JAKMIP3: variants seen among roughly 807,000 people sequenced by gnomAD.
JAKMIP3 encodes the protein Janus kinase and microtubule interacting protein 3, also known as janus kinase and microtubule-interacting protein 3.
In JAKMIP3, 58 loss-of-function variants were observed where a neutral mutation model predicts 118.5. The observed-to-expected ratio is 0.49, with a 90% CI of 0.40 to 0.61. The LOEUF is 0.61. JAKMIP3 is among the 20% of genes least tolerant of loss of function. The pLI, the probability that JAKMIP3 is intolerant of heterozygous loss-of-function variation, is 0.00. For missense variants in JAKMIP3, 950 were observed against 1,109.0 expected (o/e 0.86, Z 2.04); for synonymous variants, 486 against 451.2 (o/e 1.08, Z -0.98).
At chr10:132,040,937 C>T (rs772787530) in intron 1 of JAKMIP3, among the ~76,000 whole-genome samples, 7 of 152,270 alleles carry the variant, frequency 4.6e-5, no homozygotes, top group African/African-American at 9.6e-5. Flanking sequence ...ATGCAGTACT[C>T]GATTTTCTGT....
intron 1 of JAKMIP3, among the ~76,000 whole-genome samples, 181 bp from the exon 2 acceptor site, chr10:132,104,491 A>C (rs1003925171): frequency 5.3e-5 from 8 of 152,144 alleles, no homozygotes; most frequent in African/African-American, 1.7e-4. Context: ...GGGGCACCAT[A>C]TGGCGGGCAG....
intron 1 of JAKMIP3, among the ~76,000 whole-genome samples, chr10:132,042,622 C>A (rs1010421499): frequency 4.6e-5 from 7 of 152,146 alleles, no homozygotes; most frequent in African/African-American, 1.7e-4. Context: ...GAACCAGGGA[C>A]TGCGTGGGGA....
intron 1 of JAKMIP3, among the ~76,000 whole-genome samples, chr10:132,072,126 A>G (rs1021578128): frequency 2.0e-5 from 3 of 151,770 alleles, no homozygotes; most frequent in Non-Finnish European, 2.9e-5. Flanking sequence ...TAATTTTTAT[A>G]CTTTTAGTTG....
intron 1 of JAKMIP3, among the ~76,000 whole-genome samples, chr10:132,042,400 G>A (rs1332930345): frequency 1.3e-5 from 2 of 152,054 alleles, no homozygotes; most frequent in Non-Finnish European, 2.9e-5. Flanking sequence ...TTGTAGAGAC[G>A]GGTCTCTCTC....
At chr10:132,160,140 T>C (rs1393345862) in intron 19 of JAKMIP3, among the ~76,000 whole-genome samples, 1 of 47,552 alleles carries the variant, frequency 2.1e-5, no homozygotes. Flanking sequence ...CTGGGGGGGG[T>C]CTCTTCCTGT....
rs2060498805 is a variant in JAKMIP3 at position 132,179,517 on chromosome 10, T to C, written c.*1104-2840T>C. On this transcript the variant is annotated intron_variant, in intron 23 of 23. Transcript: ENST00000684848. This position sits in a 1 kb window ranked among gnomAD's most constrained non-coding sequence, Gnocchi z 4.3. Reference sequence around the variant, plus strand: ...GGCACTGATACACTCACATAAACATTTGCCACGTGAATGGCCAAGTACGTA... The same window carrying C: ...GGCACTGATACACTCACATAAACATCTGCCACGTGAATGGCCAAGTACGTA... 6.6e-6 allele frequency among the ~76,000 whole-genome samples: 1 copy of C among 152,102 alleles called. No homozygotes were observed. The highest frequency in any genetic ancestry group is 2.1e-4 in the South Asian group (1 of 4,822).
intron 3 of JAKMIP3, among the ~76,000 whole-genome samples, chr10:132,126,072 C>T (rs914203258): frequency 6.6e-6 from 1 of 152,180 alleles, no homozygotes; most frequent in African/African-American, 2.4e-5. Context: ...ATCCCGAAGA[C>T]AGTTTAAGTC....
intron 22 of JAKMIP3, 102 bp downstream of exon 22, chr10:132,167,157 C>G (rs1227230429): frequency 1.2e-6 from 1 of 811,508 alleles, no homozygotes; most frequent in African/African-American, 1.7e-5. Context: ...GCCATTCGAT[C>G]AACTGGAAGG....
rs535783950 is a variant in JAKMIP3, at chr10:132,138,012, A to G, written c.1285-107A>G. 1.1e-5 allele frequency: 12 copies of G among 1,066,052 alleles called. No individual in the cohort carries two copies. The African/African-American group carries it at 1.3e-4, about 11-fold the overall frequency. The allele number at this position is 1,066,052 out of a possible 1,614,324, so 66.0% of individuals were successfully genotyped here. On this transcript the variant is annotated intron_variant, in intron 8 of 23. Coordinates refer to ENST00000684848, the MANE Select transcript of JAKMIP3 (RefSeq NM_001323087.2). Reference sequence around the variant, plus strand: ...GGTGTGGGGACAAGCCAGCCCAGACACCGTCTTCCCTGTCATCCAAATGAT... The same window carrying G: ...GGTGTGGGGACAAGCCAGCCCAGACGCCGTCTTCCCTGTCATCCAAATGAT...
chr10:132,089,570 C>T (rs1158450425), intron 1 of JAKMIP3, among the ~76,000 whole-genome samples: 1 of 152,174 alleles, frequency 6.6e-6, no homozygotes, highest in African/African-American at 2.4e-5. Flanking sequence ...TATCCTGAGA[C>T]TTTGCTGAAG....
At chr10:132,125,180 G>T (rs1432363609) in intron 3 of JAKMIP3, among the ~76,000 whole-genome samples, 2 of 152,216 alleles carry the variant, frequency 1.3e-5, no homozygotes, top group Non-Finnish European at 2.9e-5. Flanking sequence ...CCTCTGTGTC[G>T]CTCAGATGCC....
chr10:132,161,383 GCTGGGGGGGGTCTATTCCTGTGTCTTA>G, intron 19 of JAKMIP3, among the ~76,000 whole-genome samples: 2 of 23,088 alleles, frequency 8.7e-5, no homozygotes, highest in African/African-American at 4.8e-4. Flanking sequence ...CCTGTGTGAT[GCTGGGGGGGGTCTATTCCTGTGTCTTA>G]CTGGGGGGGG....
chr10:132,054,997 A>G (rs2038200993), intron 1 of JAKMIP3, among the ~76,000 whole-genome samples: 1 of 151,304 alleles, frequency 6.6e-6, no homozygotes, highest in African/African-American at 2.4e-5. Context: ...GGGGATAGTG[A>G]GAGTCCTGCC....
rs938980756 is a variant in JAKMIP3 at position 132,168,372 on chromosome 10, A to G, written c.*442A>G. 7.8e-7 allele frequency: 1 copy of G among 1,289,412 alleles called. No homozygotes were observed. Among genetic ancestry groups the G allele is most frequent in the African/African-American group, 1.5e-5 (1 of 65,842 alleles). The allele number at this position is 1,289,412 out of a possible 1,614,324, so 79.9% of individuals were successfully genotyped here. ...CTGGTGTCTGGAGGAAGATTTTCAG[A>G]AACAACAGAGGCTTGGCCTGATGAC... On this transcript the variant is annotated 3_prime_UTR_variant, in exon 23 of 24. Transcript: ENST00000684848.
At chr10:132,067,618 TGTGTACTGTGGGCTTCC>T (rs1332292370) in intron 1 of JAKMIP3, among the ~76,000 whole-genome samples, 7 of 37,196 alleles carry the variant, frequency 1.9e-4, no homozygotes, top group South Asian at 1.3e-3. Context: ...TGGGCTTCCG[TGTGTACTGTGGGCTTCC>T]GTGTGGACTC....
Position 132,140,741 on chromosome 10 carries a change from C to G in JAKMIP3, c.1473+162C>G, listed in dbSNP as rs567997100. ...ACGGGGAAGCCCTTCGCGGCCCTCA[C>G]TGGCACTGACCCGCTGATAGCTGAC... On this transcript the variant is annotated intron_variant, in intron 10 of 23. Coordinates refer to ENST00000684848, the MANE Select transcript of JAKMIP3 (RefSeq NM_001323087.2). 7.8e-4 allele frequency among the ~76,000 whole-genome samples: 119 copies of G among 152,276 alleles called. 2 individuals carry two copies. Among genetic ancestry groups the G allele is most frequent in the African/African-American group, 2.7e-3 (112 of 41,532 alleles).
rs550212327 is a variant in JAKMIP3 at position 132,154,621 on chromosome 10, G to A, written c.2220+631G>A. ...GGAAAGACAAGTGTCACCACCAAGAGGTTCACCTCGGGACCCAGCCCAGCA... is the reference window on the plus strand; with the variant it reads ...GGAAAGACAAGTGTCACCACCAAGAAGTTCACCTCGGGACCCAGCCCAGCA... On this transcript the variant is annotated intron_variant, in intron 19 of 23. Transcript: ENST00000684848. Among the ~76,000 whole-genome samples, 10 of 152,322 alleles carry A rather than the reference G, an allele frequency of 6.6e-5. No individual in the cohort carries two copies. In the South Asian group the frequency reaches 1.2e-3, roughly 19 times the overall value.
chr10:132,176,283 C>T (rs977766442), intron 23 of JAKMIP3, among the ~76,000 whole-genome samples: 3 of 152,244 alleles, frequency 2.0e-5, no homozygotes, highest in African/African-American at 4.8e-5. Flanking sequence ...CATGGGGTCA[C>T]GTTGCATTTG....
intron 1 of JAKMIP3, among the ~76,000 whole-genome samples, chr10:132,097,964 T>TTCC (rs1256521580): frequency 3.5e-5 from 1 of 28,938 alleles, no homozygotes; most frequent in African/African-American, 9.4e-5. Context: ...CCTTTCCCTT[T>TTCC]CCTTCCTTTT....
Sources: allele counts gnomAD v4.1 joint callset (sites outside exome capture counted in the v4.1 genomes callset), GRCh38; gene constraint gnomAD v4.1.1; non-coding constraint Gnocchi (gnomAD v3.1); transcripts MANE v1.5; gene names NCBI Gene and HGNC (gene_info 2026-07-23, HGNC 2026-07-21).